The following WWOX variants were observed in gnomAD, a reference collection of about 807,000 sequenced individuals.
WWOX encodes the protein WW domain containing oxidoreductase.
A neutral mutation model predicts 46.2 loss-of-function variants in WWOX; 69 were observed. That is an observed-to-expected ratio of 1.49 (90% CI 1.23 to 1.82). The LOEUF (loss-of-function observed/expected upper bound fraction) is 1.82. Among genes scored for constraint, WWOX ranks in the 40% most tolerant of loss-of-function variants. The pLI is 0.00. For synonymous variants in WWOX, 359 were observed against 202.6 expected (o/e 1.77, Z -6.56); for missense variants, 919 against 542.6 (o/e 1.69, Z -6.89).
chr16:78,671,947 C>T (rs2047474661), intron 8 of WWOX, among the ~76,000 whole-genome samples: 1 of 152,134 alleles, frequency 6.6e-6, no homozygotes, highest in Non-Finnish European at 1.5e-5. Context: ...ATTTGGCCTT[C>T]AACTGGGTAG....
chr16:78,893,186 A>G (rs1217451414), intron 8 of WWOX, among the ~76,000 whole-genome samples: 3 of 150,344 alleles, frequency 2.0e-5, no homozygotes, highest in East Asian at 1.9e-4. Context: ...TGGAATGACT[A>G]TAGCTAGAAA....
chr16:78,680,669 C>T (rs886419795), intron 8 of WWOX, among the ~76,000 whole-genome samples: 1 of 152,198 alleles, frequency 6.6e-6, no homozygotes, highest in African/African-American at 2.4e-5. Flanking sequence ...ATTACAAGTG[C>T]TAAACATCCG....
intron 8 of WWOX, among the ~76,000 whole-genome samples, chr16:78,761,883 G>T (rs1370020429): frequency 2.6e-5 from 4 of 152,136 alleles, no homozygotes; most frequent in Admixed American, 6.6e-5. Flanking sequence ...TGCTAACTTA[G>T]TTCATTAGTG....
At chr16:78,414,125 A>C (rs2082744359) in intron 6 of WWOX, among the ~76,000 whole-genome samples, 1 of 151,580 alleles carries the variant, frequency 6.6e-6, no homozygotes, top group South Asian at 2.1e-4. Context: ...CCCACCGAGC[A>C]CCTTGTGACC....
intron 8 of WWOX, among the ~76,000 whole-genome samples, chr16:79,191,171 A>G (rs1265620142): frequency 6.6e-6 from 1 of 152,064 alleles, no homozygotes; most frequent in African/African-American, 2.4e-5. Flanking sequence ...CTTCTGCCTC[A>G]GCTTCCCGAG....
At chr16:78,625,758 C>G (rs1435318241) in intron 8 of WWOX, among the ~76,000 whole-genome samples, 1 of 121,106 alleles carries the variant, frequency 8.3e-6, no homozygotes, top group Non-Finnish European at 1.7e-5. Flanking sequence ...TTGCCATTTG[C>G]CAATTACTTT....
At chr16:78,713,862 A>G (rs889034484) in intron 8 of WWOX, among the ~76,000 whole-genome samples, 2 of 152,184 alleles carry the variant, frequency 1.3e-5, no homozygotes, top group African/African-American at 4.8e-5. Flanking sequence ...TACCTCCGCC[A>G]GGGTCCTGAT....
At chr16:79,101,893 A>T (rs1267333179) in intron 8 of WWOX, 2 of 151,460 alleles carry the variant, frequency 1.3e-5, no homozygotes, top group Non-Finnish European at 2.9e-5. Flanking sequence ...GAAGGCTTTC[A>T]TGCATGAAAC....
chr16:78,515,910 ATT>A (rs1022156647), intron 8 of WWOX, among the ~76,000 whole-genome samples: 22 of 152,060 alleles, frequency 1.4e-4, no homozygotes, highest in Non-Finnish European at 2.5e-4. Context: ...CCCATGTGAA[ATT>A]TTGTTACGTG....
chr16:78,205,830 T>G (rs2036372771), intron 5 of WWOX, among the ~76,000 whole-genome samples: 1 of 151,322 alleles, frequency 6.6e-6, no homozygotes, highest in Non-Finnish European at 1.5e-5. Flanking sequence ...CCTTCCTACC[T>G]TCCTTCCTTC....
At chr16:78,927,670 A>G (rs912177856) in intron 8 of WWOX, among the ~76,000 whole-genome samples, 1 of 152,158 alleles carries the variant, frequency 6.6e-6, no homozygotes, top group South Asian at 2.1e-4. Context: ...ATTAAGGCAT[A>G]ATTATCAGAC....
At chr16:78,756,942 A>G (rs2049664214) in intron 8 of WWOX, 2 of 703,036 alleles carry the variant, frequency 2.8e-6, no homozygotes, top group Non-Finnish European at 5.2e-6. Context: ...CACTCTAGGA[A>G]AAGCCAGCTG....
At chr16:78,894,788 G>A (rs1161182760) in intron 8 of WWOX, among the ~76,000 whole-genome samples, 2 of 152,170 alleles carry the variant, frequency 1.3e-5, no homozygotes, top group African/African-American at 4.8e-5. Flanking sequence ...TTTATCATAT[G>A]AAGTTGACCT....
intron 8 of WWOX, among the ~76,000 whole-genome samples, chr16:79,154,627 C>T (rs2050345575): frequency 2.6e-5 from 4 of 151,802 alleles, no homozygotes. Flanking sequence ...AAGTTTGCAA[C>T]ATTTAAAAAA....
rs57643837 is a variant in WWOX at position 78,473,562 on chromosome 16, T to C, written c.1056+40810T>C. On this transcript the variant is annotated intron_variant, in intron 8 of 8. Coordinates refer to ENST00000566780, the MANE Select transcript of WWOX (RefSeq NM_016373.4). The stretch of plus-strand genomic sequence containing the variant: ...CCAACACCCAGGTGAGCAGATACAC[T>C]TATCTGTGAGCAGACGTGATTCAGG... 3.3e-3 allele frequency among the ~76,000 whole-genome samples: 494 copies of C among 148,284 alleles called. 3 individuals are homozygous for C. The highest frequency in any genetic ancestry group is 0.012 in the African/African-American group (475 of 38,404).
intron 8 of WWOX, among the ~76,000 whole-genome samples, chr16:78,874,269 A>C (rs916142444): frequency 9.9e-5 from 15 of 151,750 alleles, no homozygotes; most frequent in Non-Finnish European, 1.9e-4. Flanking sequence ...AAAAAAAAAA[A>C]AAGCTTCCAT....
At chr16:79,149,751 G>A (rs1474362567) in intron 8 of WWOX, among the ~76,000 whole-genome samples, 1 of 152,200 alleles carries the variant, frequency 6.6e-6, no homozygotes, top group East Asian at 1.9e-4. Context: ...GTTACAGCAG[G>A]AGACCAGACT....
At chr16:78,997,152 AG>A (rs562983288) in intron 8 of WWOX, among the ~76,000 whole-genome samples, 30 of 151,120 alleles carry the variant, frequency 2.0e-4, no homozygotes, top group Admixed American at 8.6e-4. Flanking sequence ...GTGCCTGGTG[AG>A]GGGGGTGCTA....
chr16:78,991,569 C>A (rs959291755), intron 8 of WWOX, among the ~76,000 whole-genome samples: 2 of 123,320 alleles, frequency 1.6e-5, no homozygotes, highest in African/African-American at 6.1e-5. Flanking sequence ...CCACTGCACT[C>A]CAGACTGGGA....
Sources: allele counts gnomAD v4.1 joint callset (sites outside exome capture counted in the v4.1 genomes callset), GRCh38; gene constraint gnomAD v4.1.1; transcripts MANE v1.5; gene names NCBI Gene and HGNC (gene_info 2026-07-23, HGNC 2026-07-21).